CDIN1: variants seen among roughly 807,000 people sequenced by gnomAD.
CDIN1 encodes CDAN1 interacting nuclease 1.
Under a neutral mutation model 45.3 loss-of-function variants are expected in CDIN1, and 33 were observed. The observed-to-expected ratio is 0.73, with a 90% confidence interval of 0.55 to 0.97. The LOEUF is 0.97. Among genes scored for constraint, CDIN1 ranks in the 50% least tolerant of loss-of-function variants. The probability of loss-of-function intolerance (pLI) is 0.00; values close to 1 mark genes in which losing one functional copy is unlikely to be tolerated. For synonymous variants in CDIN1, 118 were observed against 124.4 expected (o/e 0.95, Z 0.34); for missense variants, 303 against 339.4 (o/e 0.89, Z 0.84).
intron 7 of CDIN1, 48 bp from the exon 8 acceptor site, chr15:36,697,275 T>TG: frequency 3.3e-6 from 5 of 1,537,918 alleles, no homozygotes; most frequent in Non-Finnish European, 4.5e-6. Context: ...AGCGTTTTCC[T>TG]GCTGGTATAA....
At chr15:36,785,272 A>G (rs1403961278) in intron 10 of CDIN1, among the ~76,000 whole-genome samples, 1 of 152,212 alleles carries the variant, frequency 6.6e-6, no homozygotes, top group Non-Finnish European at 1.5e-5. Context: ...CAAATTTAGT[A>G]AATTGCAAAA....
intron 10 of CDIN1, among the ~76,000 whole-genome samples, chr15:36,760,730 T>TGGG (rs2053738277): frequency 6.6e-6 from 1 of 152,178 alleles, no homozygotes; most frequent in Admixed American, 6.5e-5. Flanking sequence ...GTGGTGGTGC[T>TGGG]GGTGGTGGTG....
intron 10 of CDIN1, among the ~76,000 whole-genome samples, chr15:36,718,961 A>T (rs1236679929): frequency 2.0e-5 from 3 of 151,934 alleles, no homozygotes; most frequent in East Asian, 3.9e-4. Context: ...AAGTGACTTA[A>T]GCCTGTAATC....
chr15:36,742,680 T>C (rs1420937540), intron 10 of CDIN1, among the ~76,000 whole-genome samples: 3 of 152,218 alleles, frequency 2.0e-5, no homozygotes, highest in Non-Finnish European at 4.4e-5. Context: ...TATTTCCAGA[T>C]GCAGGCCAGT....
At chr15:36,759,251 A>T (rs1264092665) in intron 10 of CDIN1, among the ~76,000 whole-genome samples, 1 of 152,082 alleles carries the variant, frequency 6.6e-6, no homozygotes, top group African/African-American at 2.4e-5. Context: ...CTCCCAAGTG[A>T]ACAAAGGAGA....
At chr15:36,772,688 A>G (rs762762991) in intron 10 of CDIN1, among the ~76,000 whole-genome samples, 7 of 152,300 alleles carry the variant, frequency 4.6e-5, no homozygotes, top group Middle Eastern at 3.4e-3. Flanking sequence ...ACAGCAATCT[A>G]TGGTGCATTG....
intron 10 of CDIN1, among the ~76,000 whole-genome samples, chr15:36,781,511 G>T (rs1204657538): frequency 6.6e-6 from 1 of 151,230 alleles, no homozygotes; most frequent in Admixed American, 6.6e-5. Context: ...CTAATTCATG[G>T]TATGCACATC....
intron 8 of CDIN1, chr15:36,707,059 A>C (rs958607483): frequency 2.0e-5 from 3 of 152,132 alleles, no homozygotes; most frequent in African/African-American, 7.2e-5. Flanking sequence ...TCTTAGATCT[A>C]GGATGAAGGA....
chr15:36,676,718 C>T (rs767456689), intron 5 of CDIN1, among the ~76,000 whole-genome samples: 1 of 152,048 alleles, frequency 6.6e-6, no homozygotes, highest in Non-Finnish European at 1.5e-5. Context: ...TTCGCTTTAC[C>T]TGTATCTCAC....
At chr15:36,801,231 AG>A (rs1467289520) in intron 10 of CDIN1, among the ~76,000 whole-genome samples, 2 of 151,950 alleles carry the variant, frequency 1.3e-5, no homozygotes, top group African/African-American at 4.8e-5. Context: ...GAAAAGTATT[AG>A]GTCAATTTCA....
chr15:36,692,320 A>G (rs988147563), intron 7 of CDIN1, 145 bp downstream of exon 7: 10 of 702,554 alleles, frequency 1.4e-5, no homozygotes, highest in Non-Finnish European at 2.3e-5. Flanking sequence ...CTGGAGGGTC[A>G]CTACAGACCA....
chr15:36,698,110 G>T (rs1448746702), intron 8 of CDIN1, among the ~76,000 whole-genome samples: 1 of 152,096 alleles, frequency 6.6e-6, no homozygotes, highest in Non-Finnish European at 1.5e-5. Context: ...TGAAGAGTCT[G>T]CATGATGTTT....
At chr15:36,702,126 T>C (rs565446044) in intron 8 of CDIN1, 4 of 702,112 alleles carry the variant, frequency 5.7e-6, no homozygotes, top group Admixed American at 4.0e-5. Flanking sequence ...TACGATTATG[T>C]AGGCTGAAGG....
intron 7 of CDIN1, among the ~76,000 whole-genome samples, chr15:36,693,603 A>G (rs929882236): frequency 7.2e-5 from 11 of 152,320 alleles, no homozygotes; most frequent in African/African-American, 2.6e-4. Flanking sequence ...GAAGGATTGC[A>G]TATTGATTTT....
chr15:36,674,445 T>C (rs1393264388), intron 5 of CDIN1, among the ~76,000 whole-genome samples: 1 of 152,118 alleles, frequency 6.6e-6, no homozygotes, highest in Non-Finnish European at 1.5e-5. Flanking sequence ...GCAAAAAGAT[T>C]TCTTTTAAAA....
chr15:36,744,468 T>C (rs540674244), intron 10 of CDIN1, among the ~76,000 whole-genome samples: 3 of 152,286 alleles, frequency 2.0e-5, no homozygotes, highest in African/African-American at 7.2e-5. Flanking sequence ...ACTCATTAAG[T>C]TGGTACCTCT....
At chr15:36,666,015 C>A (rs1468113509) in intron 5 of CDIN1, among the ~76,000 whole-genome samples, 2 of 151,974 alleles carry the variant, frequency 1.3e-5, no homozygotes, top group Non-Finnish European at 2.9e-5. Context: ...ATTTGTTTTT[C>A]TTCTTTAGAA....
At chr15:36,800,784 A>G (rs2054986791) in intron 10 of CDIN1, among the ~76,000 whole-genome samples, 1 of 151,020 alleles carries the variant, frequency 6.6e-6, no homozygotes, top group Non-Finnish European at 1.5e-5. Flanking sequence ...ACACATCCTC[A>G]GAAGATAGCA....
chr15:36,722,955 TTGTGTGTG>T (rs5811929), intron 10 of CDIN1, among the ~76,000 whole-genome samples: 4 of 60,540 alleles, frequency 6.6e-5, no homozygotes, highest in Non-Finnish European at 1.0e-4. Context: ...TTACATTCAC[TTGTGTGTG>T]TGTGTGTGTG....
Sources: gnomAD v4.1 joint callset for allele counts (sites outside exome capture counted in the v4.1 genomes callset) on GRCh38, gnomAD v4.1.1 for gene constraint, MANE v1.5 for transcripts, NCBI Gene and HGNC (gene_info 2026-07-23, HGNC 2026-07-21) for gene names.